The following DLC1 variants were observed in gnomAD, a reference collection of about 807,000 sequenced individuals.
DLC1 encodes DLC1 Rho GTPase activating protein, also known as rho GTPase-activating protein 7.
DLC1 carries 54 observed loss-of-function variants against 140.3 expected under a neutral mutation model. The ratio of observed to expected loss-of-function variants is 0.38; its 90% confidence interval spans 0.31 to 0.48. The LOEUF (loss-of-function observed/expected upper bound fraction) is 0.48. Among genes scored for constraint, DLC1 ranks in the 20% least tolerant of loss-of-function variants. DLC1 has a pLI of 0.96. For synonymous variants in DLC1, 986 were observed against 728.1 expected, an observed-to-expected ratio of 1.35 and a Z score of -5.70; for missense variants, 2,536 against 1,907.0, an observed-to-expected ratio of 1.33 and a Z score of -6.14.
intron 16 of DLC1, among the ~76,000 whole-genome samples, chr8:13,087,154 G>A (rs529299224): frequency 1.5e-3 from 231 of 152,112 alleles, no homozygotes; most frequent in African/African-American, 5.2e-3. Context: ...TAATCCCGGC[G>A]CTTTGGGAGG....
intron 2 of DLC1, among the ~76,000 whole-genome samples, chr8:13,439,212 T>C (rs184564354): frequency 7.9e-5 from 12 of 152,224 alleles, no homozygotes; most frequent in African/African-American, 2.9e-4. Context: ...TGGTCCTAGG[T>C]ACTTGGTAGG....
At chr8:13,353,348 A>ACAG (rs1834766142) in intron 4 of DLC1, 1 of 152,158 alleles carries the variant, frequency 6.6e-6, no homozygotes, top group Non-Finnish European at 1.5e-5. Flanking sequence ...GAATTCCTAT[A>ACAG]ATATCTGTAA....
chr8:13,518,839 C>T (rs984936450), upstream of DLC1, among the ~76,000 whole-genome samples: 3 of 152,008 alleles, frequency 2.0e-5, no homozygotes, highest in Non-Finnish European at 4.4e-5. Context: ...AATTATTCGT[C>T]TAAAAATCTC....
intron 12 of DLC1, among the ~76,000 whole-genome samples, chr8:13,093,608 G>A (rs1349094978): frequency 6.6e-6 from 1 of 152,158 alleles, no homozygotes; most frequent in African/African-American, 2.4e-5. Flanking sequence ...GAAAAATCAA[G>A]TCACTCAAAT....
chr8:13,535,669 T>TAAAAA (rs55970525), intron 1 of DLC1, among the ~76,000 whole-genome samples: 55 of 114,648 alleles, frequency 4.8e-4, no homozygotes, highest in African/African-American at 7.1e-4. Context: ...CATTGCTCAT[T>TAAAAA]AAAAAAAAAA....
chr8:13,298,849 C>T (rs117128463), intron 5 of DLC1, among the ~76,000 whole-genome samples: 5 of 152,224 alleles, frequency 3.3e-5, no homozygotes, highest in East Asian at 3.9e-4. Flanking sequence ...TGCACTTGTA[C>T]CCCCTGAATA....
chr8:13,165,187 A>G (rs1825022105), intron 5 of DLC1, among the ~76,000 whole-genome samples: 1 of 152,202 alleles, frequency 6.6e-6, no homozygotes. Flanking sequence ...TAATGAAAGA[A>G]TTATCTGAAA....
chr8:13,142,114 T>G (rs9644022), intron 5 of DLC1, among the ~76,000 whole-genome samples: 53,094 of 152,114 alleles, frequency 0.35, 10,441 homozygotes, highest in East Asian at 0.55. Context: ...CCTGCCGCCT[T>G]GTGAAGAAGT....
intron 1 of DLC1, among the ~76,000 whole-genome samples, chr8:13,532,852 T>C (rs1227515416): frequency 6.6e-6 from 1 of 152,182 alleles, no homozygotes; most frequent in African/African-American, 2.4e-5. Context: ...TCTAACCTAC[T>C]GTACTTGGCC....
chr8:13,390,401 T>TA (rs1433648880), intron 4 of DLC1, among the ~76,000 whole-genome samples: 1 of 152,222 alleles, frequency 6.6e-6, no homozygotes, highest in Admixed American at 6.5e-5. Context: ...ATGTCTTTGC[T>TA]ACTGTAAACA....
Position 13,499,323 on chromosome 8 carries a change from C to T in DLC1, c.749G>A (p.Cys250Tyr). Residue 250 changes from cysteine (C) to tyrosine (Y), a missense_variant, in exon 2 of 18, where the codon TGC (cysteine) becomes TAC (tyrosine). Physicochemically the swap from Cys to Tyr is radical, Grantham distance 194 (BLOSUM62 -2). Transcript: ENST00000276297. ...PPKDENERST[C>Y]NVVQNEFLDT... Reference sequence around the variant, plus strand: ...CAAGAACTCATTTTGTACTACATTGCAGGTGCTTCTTTCATTTTCATCTTT... The same window carrying T: ...CAAGAACTCATTTTGTACTACATTGTAGGTGCTTCTTTCATTTTCATCTTT... The T allele has an allele frequency of 1.9e-6, 3 of 1,614,040 alleles. No homozygotes were observed. The highest frequency in any genetic ancestry group is 2.5e-6 in the Non-Finnish European group (3 of 1,180,022).
chr8:13,415,755 C>G (rs1428382991), intron 2 of DLC1, among the ~76,000 whole-genome samples: 1 of 148,358 alleles, frequency 6.7e-6, no homozygotes, highest in East Asian at 1.9e-4. Context: ...CTTTAAATAA[C>G]TTGAAGAAGA....
intron 12 of DLC1, 92 bp from the exon 13 acceptor site, chr8:13,092,917 C>G: frequency 7.2e-7 from 1 of 1,381,318 alleles, no homozygotes; most frequent in Non-Finnish European, 9.9e-7. Flanking sequence ...CATCAAATAC[C>G]TCAGCCCAGT....
intron 5 of DLC1, among the ~76,000 whole-genome samples, chr8:13,180,141 G>A (rs1389121206): frequency 6.6e-6 from 1 of 152,164 alleles, no homozygotes; most frequent in Non-Finnish European, 1.5e-5. Context: ...TAATTCATAT[G>A]TCAAGGTTCC....
At chr8:13,141,771 C>A (rs1017318703) in intron 5 of DLC1, among the ~76,000 whole-genome samples, 3 of 152,168 alleles carry the variant, frequency 2.0e-5, no homozygotes, top group African/African-American at 4.8e-5. Context: ...GTCTATCTTC[C>A]AAGATTGGCT....
intron 4 of DLC1, among the ~76,000 whole-genome samples, chr8:13,368,901 G>T (rs1169151154): frequency 2.0e-5 from 3 of 152,230 alleles, no homozygotes; most frequent in African/African-American, 7.2e-5. Context: ...TTGGCTCACT[G>T]CCACCTCTGC....
chr8:13,161,052 G>A (rs1340555003), intron 5 of DLC1, among the ~76,000 whole-genome samples: 13 of 152,238 alleles, frequency 8.5e-5, no homozygotes. Context: ...CTGCTCTCCA[G>A]CCTGGGCGAC....
In DLC1 at chr8:13,426,464, A is replaced by G. The variant is rs372977981; in HGVS notation, c.1024-24845T>C. On this transcript the variant is annotated intron_variant, in intron 2 of 17. Transcript: ENST00000276297. Reference sequence around the variant, plus strand: ...TGAATAGTTACCTCTGTATTTTAATAAATACCTTCTTTTTATCTCAGATAA... The same window carrying G: ...TGAATAGTTACCTCTGTATTTTAATGAATACCTTCTTTTTATCTCAGATAA... Among the ~76,000 whole-genome samples the G allele has an allele frequency of 7.9e-4, 120 of 152,296 alleles. 1 individual carries two copies. The highest frequency in any genetic ancestry group is 3.4e-3 in the Middle Eastern group (1 of 294).
In DLC1 at chr8:13,168,869, G is replaced by A. The variant is rs201881871; in HGVS notation, c.1349-53212C>T. Among the ~76,000 whole-genome samples the A allele has an allele frequency of 2.8e-4, 42 of 152,248 alleles. 2 individuals carry two copies. In the East Asian group the frequency reaches 6.8e-3, roughly 24 times the overall value. ...CCCACAGCAGTCAGGAAATGAAGTC[G>A]GTGATTAGAATTCTGTGTTTCCTGA... On this transcript the variant is annotated intron_variant, in intron 5 of 17. Transcript: ENST00000276297.
Sources: gnomAD v4.1 joint callset for allele counts (sites outside exome capture counted in the v4.1 genomes callset) on GRCh38, gnomAD v4.1.1 for gene constraint, MANE v1.5 for transcripts, NCBI Gene and HGNC (gene_info 2026-07-23, HGNC 2026-07-21) for gene names.